RABGAP1L: variants seen among roughly 807,000 people sequenced by gnomAD.
The protein encoded by RABGAP1L is rab GTPase-activating protein 1-like.
A neutral mutation model predicts 137.7 loss-of-function variants in RABGAP1L; 63 were observed. The observed-to-expected ratio is 0.46, with a 90% CI of 0.37 to 0.56. The LOEUF (loss-of-function observed/expected upper bound fraction) is 0.56, where lower values mean the gene tolerates loss of function less well. Ranked by LOEUF, RABGAP1L falls within the 20% of genes least tolerant of loss-of-function variation. RABGAP1L has a pLI of 0.00. For missense variants in RABGAP1L, 1,095 were observed against 1,244.0 expected, an observed-to-expected ratio of 0.88 and a Z score of 1.80; for synonymous variants, 431 against 433.7, an observed-to-expected ratio of 0.99 and a Z score of 0.08.
intron 11 of RABGAP1L, among the ~76,000 whole-genome samples, chr1:174,355,380 G>GC (rs1683541186): frequency 6.7e-6 from 1 of 149,514 alleles, no homozygotes; most frequent in South Asian, 2.1e-4. Context: ...ACCAAACACT[G>GC]CATGTTCTCA....
chr1:174,565,878 C>G (rs1328120661), intron 13 of RABGAP1L, among the ~76,000 whole-genome samples: 2 of 145,236 alleles, frequency 1.4e-5, no homozygotes, highest in African/African-American at 5.0e-5. Context: ...TTGGTGAATC[C>G]TTTACATTTT....
At chr1:174,737,936 C>T (rs1447004211) in intron 17 of RABGAP1L, among the ~76,000 whole-genome samples, 1 of 152,112 alleles carries the variant, frequency 6.6e-6, no homozygotes. Flanking sequence ...TCACTCATCA[C>T]CAAGGGGAAG....
chr1:174,699,566 G>C lies in RABGAP1L; in HGVS notation c.1941G>C (p.Met647Ile). ...CATTCTGTGTTTTGGTGAAAATCATGTACGACTATGGTTTGAGAGACCTCT... is the reference window on the plus strand; with the variant it reads ...CATTCTGTGTTTTGGTGAAAATCATCTACGACTATGGTTTGAGAGACCTCT... ...EQAFCVLVKI[M>I]YDYGLRDLYR... The change falls in exon 16 of 26, where the codon ATG becomes ATC. Residue 647 changes from methionine (M) to isoleucine (I), a missense_variant. Met to Ile is a conservative substitution (Grantham distance 10). This residue lies in a region of RABGAP1L where 315 missense variants were observed against 324.8 expected (regional missense o/e 0.97). Transcript: ENST00000681986. 6.2e-7 allele frequency: 1 copy of C among 1,611,890 alleles called. No homozygotes were observed. Among genetic ancestry groups the C allele is most frequent in the South Asian group, 1.1e-5 (1 of 91,028 alleles).
intron 1 of RABGAP1L, among the ~76,000 whole-genome samples, chr1:174,199,539 A>G (rs567205537): frequency 2.4e-4 from 37 of 152,232 alleles, no homozygotes; most frequent in African/African-American, 8.7e-4. Context: ...TGATCCGCCC[A>G]TTTTGGCTTC....
chr1:174,609,365 C>T (rs537909917), intron 13 of RABGAP1L, among the ~76,000 whole-genome samples: 1 of 152,202 alleles, frequency 6.6e-6, no homozygotes, highest in East Asian at 1.9e-4. Context: ...CAAATTCAGA[C>T]TTTAAAATTG....
At chr1:174,451,150 C>A (rs1301928369) in intron 13 of RABGAP1L, among the ~76,000 whole-genome samples, 1 of 152,070 alleles carries the variant, frequency 6.6e-6, no homozygotes, top group Non-Finnish European at 1.5e-5. Flanking sequence ...ATTCTTGTCC[C>A]CTGTTTGCCA....
chr1:174,611,087 T>C (rs1337360351), intron 13 of RABGAP1L, among the ~76,000 whole-genome samples: 1 of 149,656 alleles, frequency 6.7e-6, no homozygotes, highest in Non-Finnish European at 1.5e-5. Flanking sequence ...ATTTTGGCTT[T>C]TGTTGCCATT....
At chr1:174,349,054 G>C (rs1360544827) in intron 11 of RABGAP1L, among the ~76,000 whole-genome samples, 1 of 141,072 alleles carries the variant, frequency 7.1e-6, no homozygotes, top group African/African-American at 2.5e-5. Context: ...CGGGGGGGGG[G>C]CTGACCCCCC....
chr1:174,495,149 A>T (rs910912086), intron 13 of RABGAP1L, among the ~76,000 whole-genome samples: 1 of 152,106 alleles, frequency 6.6e-6, no homozygotes, highest in Non-Finnish European at 1.5e-5. Flanking sequence ...TCTTTTTACC[A>T]TAAGTGGTGT....
At chr1:174,366,056 G>T (rs1456308732) in intron 11 of RABGAP1L, among the ~76,000 whole-genome samples, 1 of 151,976 alleles carries the variant, frequency 6.6e-6, no homozygotes, top group Non-Finnish European at 1.5e-5. Flanking sequence ...TTTGTCTTTG[G>T]ATCTATAAAT....
chr1:174,283,816 T>G (rs1237916925), intron 10 of RABGAP1L, among the ~76,000 whole-genome samples: 1 of 152,216 alleles, frequency 6.6e-6, no homozygotes. Context: ...CTTTAGGAGT[T>G]GCTGTCTTAA....
chr1:174,995,087 A>AT lies in RABGAP1L; in HGVS notation c.*5089dup, dbSNP rs1470959924. ...ATGTAATGCTTGTCTAAAAAGTGCAATTTATTGTACATTGTCCCAACAAAT... is the reference window on the plus strand; with the variant it reads ...ATGTAATGCTTGTCTAAAAAGTGCAATTTTATTGTACATTGTCCCAACAAAT... On this transcript the variant is annotated 3_prime_UTR_variant, in exon 26 of 26. Coordinates refer to ENST00000681986, the MANE Select transcript of RABGAP1L (RefSeq NM_001366446.1). The AT allele has an allele frequency of 2.0e-5, 3 of 152,234 alleles. No individual in the cohort carries two copies. Among genetic ancestry groups the AT allele is most frequent in the African/African-American group, 7.2e-5 (3 of 41,452 alleles). The allele number at this position is 152,234 out of a possible 1,614,324, so 9.4% of individuals were successfully genotyped here.
chr1:174,384,041 A>G (rs893266333), intron 12 of RABGAP1L, among the ~76,000 whole-genome samples: 2 of 152,196 alleles, frequency 1.3e-5, no homozygotes, highest in African/African-American at 2.4e-5. Context: ...TGTCCGTCAA[A>G]AGTAAATGGA....
intron 13 of RABGAP1L, among the ~76,000 whole-genome samples, chr1:174,618,170 G>A (rs766298538): frequency 1.2e-4 from 18 of 152,168 alleles, no homozygotes; most frequent in African/African-American, 2.4e-4. Flanking sequence ...GGAGCCCACC[G>A]CAGCTTAAGG....
rs549477266 is a variant in RABGAP1L at position 174,550,999 on chromosome 1, C to CATATATATAT, written c.1711-86362_1711-86353dup. Among the ~76,000 whole-genome samples, 74 of 86,340 alleles carry CATATATATAT rather than the reference C, an allele frequency of 8.6e-4. 5 individuals carry two copies. The highest frequency in any genetic ancestry group is 5.6e-3 in the African/African-American group (67 of 12,052). The allele number at this position is 86,340 out of a possible 152,430, so 56.6% of individuals were successfully genotyped here. On this transcript the variant is annotated intron_variant, in intron 13 of 25. Coordinates refer to ENST00000681986, the MANE Select transcript of RABGAP1L (RefSeq NM_001366446.1). Reference sequence around the variant, plus strand: ...GTATATATACATATATATATATACACATATATATATATATATATATATACA... The same window carrying CATATATATAT: ...GTATATATACATATATATATATACACATATATATATATATATATATATATATATATATACA...
chr1:174,297,397 C>T (rs1322864175), intron 10 of RABGAP1L, among the ~76,000 whole-genome samples: 3 of 152,102 alleles, frequency 2.0e-5, no homozygotes, highest in Non-Finnish European at 4.4e-5. Context: ...GCTAGAGCGC[C>T]TCCCGCCGGC....
At chr1:174,261,617 CAT>C (rs1673587142) in intron 7 of RABGAP1L, among the ~76,000 whole-genome samples, 1 of 152,172 alleles carries the variant, frequency 6.6e-6, no homozygotes. Context: ...TGTGAGTTGA[CAT>C]CACTAAATTT....
intron 19 of RABGAP1L, among the ~76,000 whole-genome samples, chr1:174,893,726 A>G (rs1165332110): frequency 6.6e-6 from 1 of 152,134 alleles, no homozygotes; most frequent in African/African-American, 2.4e-5. Flanking sequence ...CTTGACAACT[A>G]TCAGCCACAT....
intron 17 of RABGAP1L, among the ~76,000 whole-genome samples, chr1:174,741,257 A>G (rs1327396038): frequency 2.0e-5 from 3 of 152,030 alleles, no homozygotes; most frequent in African/African-American, 7.2e-5. Flanking sequence ...TCATTTTTGT[A>G]TATGGTGAGA....
Sources: allele counts gnomAD v4.1 joint callset (sites outside exome capture counted in the v4.1 genomes callset), GRCh38; gene constraint gnomAD v4.1.1; regional missense constraint gnomAD v4.1.1; transcripts MANE v1.5; gene names NCBI Gene and HGNC (gene_info 2026-07-23, HGNC 2026-07-21).